Variants in CHRNA7 observed in about 807,000 individuals in gnomAD.
The protein encoded by CHRNA7 is neuronal acetylcholine receptor subunit alpha-7.
CHRNA7 carries 17 observed loss-of-function variants against 48.0 expected under a neutral mutation model. That is an observed-to-expected ratio of 0.35 (90% CI 0.24 to 0.53). The LOEUF (loss-of-function observed/expected upper bound fraction) is 0.53, where lower values mean the gene tolerates loss of function less well. Ranked by LOEUF, CHRNA7 falls within the 20% of genes least tolerant of loss-of-function variation. CHRNA7 has a pLI of 0.92. For synonymous variants in CHRNA7, 75 were observed against 242.3 expected (o/e 0.31, Z 6.41); for missense variants, 155 against 577.7 (o/e 0.27, Z 7.50).
intron 2 of CHRNA7, 49 bp from the exon 3 acceptor site, chr15:32,101,253 CT>C (rs778560964): frequency 1.5e-5 from 24 of 1,556,950 alleles, no homozygotes; most frequent in African/African-American, 1.4e-5. Flanking sequence ...CTCATTCTTT[CT>C]TTTGTAAACC....
chr15:32,146,885 A>G (rs1459077255), intron 4 of CHRNA7, among the ~76,000 whole-genome samples: 2 of 152,250 alleles, frequency 1.3e-5, no homozygotes, highest in Non-Finnish European at 2.9e-5. Context: ...ATGAGCAAGA[A>G]TAGTAAAACA....
intron 2 of CHRNA7, among the ~76,000 whole-genome samples, chr15:32,074,977 T>C (rs1267807323): frequency 6.6e-6 from 1 of 152,144 alleles, no homozygotes; most frequent in African/African-American, 2.4e-5. Context: ...ATGAATTTTT[T>C]TGTGTAGTTT....
chr15:32,105,230 A>G (rs1345891693), intron 3 of CHRNA7, among the ~76,000 whole-genome samples: 1 of 152,246 alleles, frequency 6.6e-6, no homozygotes, highest in Admixed American at 6.5e-5. Flanking sequence ...TGTGGAAGGT[A>G]TTAAACTGGG....
At chr15:32,031,837 T>A (rs1469949272) in intron 2 of CHRNA7, among the ~76,000 whole-genome samples, 3 of 152,240 alleles carry the variant, frequency 2.0e-5, no homozygotes, top group Admixed American at 6.5e-5. Context: ...TAATTCATTA[T>A]AAGTGGGTTT....
chr15:32,141,765 T>C (rs1225140633), intron 4 of CHRNA7, among the ~76,000 whole-genome samples: 8 of 152,250 alleles, frequency 5.3e-5, no homozygotes, highest in African/African-American at 1.9e-4. Context: ...TTTTTGCACA[T>C]TGATTTTGTA....
In CHRNA7 at chr15:32,149,511, T is replaced by C. The variant is rs768613195; in HGVS notation, c.351-4396T>C. Among the ~76,000 whole-genome samples the C allele has an allele frequency of 5.3e-5, 8 of 152,218 alleles. No individual in the cohort carries two copies. The highest frequency in any genetic ancestry group is 1.0e-4 in the Non-Finnish European group (7 of 68,032). On this transcript the variant is annotated intron_variant, in intron 4 of 9. Coordinates refer to ENST00000306901, the MANE Select transcript of CHRNA7 (RefSeq NM_000746.6). This position sits in a 1 kb window ranked among gnomAD's most constrained non-coding sequence, Gnocchi z 4.6. ...ACAGGGCCTTTCTTCAAACTCATCT[T>C]ATCTCCACCCCTAATGCTCAAAACA...
At position 32,030,939 on chromosome 15, in the gene CHRNA7, C is replaced by G. The variant is rs774489176; in HGVS notation, c.97C>G (p.Leu33Val). 6.2e-7 allele frequency: 1 copy of G among 1,614,208 alleles called. No individual in the cohort carries two copies. Among genetic ancestry groups the G allele is most frequent in the Non-Finnish European group, 8.5e-7 (1 of 1,180,020 alleles). ...GTTCCAGAGGAAGCTTTACAAGGAG[C>G]TGGTCAAGAACTACAATCCCTTGGA... ...GEFQRKLYKELVKNYNPLERP... is the reference protein window; with the variant it reads ...GEFQRKLYKEVVKNYNPLERP... The change falls in exon 2 of 10, where the codon CTG becomes GTG. Residue 33 changes from leucine to valine, a missense_variant. Coordinates refer to ENST00000306901, the MANE Select transcript of CHRNA7 (RefSeq NM_000746.6).
At chr15:32,116,432 C>T (rs1361864328) in intron 4 of CHRNA7, among the ~76,000 whole-genome samples, 1 of 152,174 alleles carries the variant, frequency 6.6e-6, no homozygotes, top group Admixed American at 6.5e-5. Context: ...CTGGCCAGGT[C>T]GCTCTGAGGA....
chr15:32,052,933 T>G (rs188154233), intron 2 of CHRNA7, among the ~76,000 whole-genome samples: 1 of 152,320 alleles, frequency 6.6e-6, no homozygotes, highest in Admixed American at 6.5e-5. Context: ...ACCCCGATGA[T>G]ACTGATTTCA....
intron 2 of CHRNA7, among the ~76,000 whole-genome samples, chr15:32,055,751 G>A (rs969513583): frequency 9.2e-5 from 14 of 152,070 alleles, no homozygotes; most frequent in Admixed American, 2.0e-4. Context: ...AGGCCGAGGC[G>A]GGCGGATCAC....
intron 2 of CHRNA7, among the ~76,000 whole-genome samples, chr15:32,070,639 T>G (rs113073331): frequency 1.8e-4 from 28 of 151,368 alleles, no homozygotes; most frequent in East Asian, 7.7e-4. Flanking sequence ...TGAGTTTTTT[T>G]TGTGTGTGTG....
At chr15:32,097,280 T>TA (rs571350516) in intron 2 of CHRNA7, among the ~76,000 whole-genome samples, 177 of 152,208 alleles carry the variant, frequency 1.2e-3, no homozygotes, top group Admixed American at 2.2e-3. Context: ...GGATCTGGAA[T>TA]TGCTGAAACC....
At chr15:32,046,281 A>G (rs1028410199) in intron 2 of CHRNA7, among the ~76,000 whole-genome samples, 1 of 149,440 alleles carries the variant, frequency 6.7e-6, no homozygotes, top group South Asian at 2.1e-4. Context: ...TTACAGTCCC[A>G]CCAGCAGTGT....
intron 2 of CHRNA7, among the ~76,000 whole-genome samples, chr15:32,052,377 G>A (rs1165722094): frequency 6.6e-6 from 1 of 152,124 alleles, no homozygotes; most frequent in African/African-American, 2.4e-5. Flanking sequence ...GGAGTGTAGT[G>A]GTGGTTACCA....
At chr15:32,104,777 G>A (rs966229247) in intron 3 of CHRNA7, among the ~76,000 whole-genome samples, 4 of 152,172 alleles carry the variant, frequency 2.6e-5, no homozygotes, top group Non-Finnish European at 5.9e-5. Context: ...CGTACTGTGT[G>A]TATAAGGCCA....
At chr15:32,078,604 T>TC (rs2050169329) in intron 2 of CHRNA7, among the ~76,000 whole-genome samples, 1 of 139,092 alleles carries the variant, frequency 7.2e-6, no homozygotes, top group East Asian at 2.2e-4. Flanking sequence ...TACAGTCAAA[T>TC]CCCTGAATAG....
chr15:32,084,204 G>A (rs564969922), intron 2 of CHRNA7, among the ~76,000 whole-genome samples: 3 of 152,334 alleles, frequency 2.0e-5, no homozygotes, highest in Admixed American at 2.0e-4. Flanking sequence ...AAAACTGCAA[G>A]TTTAATCAGA....
chr15:32,062,669 C>T (rs936924497), intron 2 of CHRNA7, among the ~76,000 whole-genome samples: 1 of 152,152 alleles, frequency 6.6e-6, no homozygotes, highest in Admixed American at 6.5e-5. Flanking sequence ...TTTCTGACAT[C>T]AACTGAGTAT....
intron 3 of CHRNA7, 41 bp downstream of exon 3, chr15:32,101,388 A>G: frequency 6.4e-7 from 1 of 1,552,844 alleles, no homozygotes; most frequent in Non-Finnish European, 8.7e-7. Flanking sequence ...GGGCTGCAAG[A>G]TCTTGCACCC....
Sources: allele counts gnomAD v4.1 joint callset (sites outside exome capture counted in the v4.1 genomes callset), GRCh38; gene constraint gnomAD v4.1.1; non-coding constraint Gnocchi (gnomAD v3.1); transcripts MANE v1.5; gene names NCBI Gene and HGNC (gene_info 2026-07-23, HGNC 2026-07-21).